Variants in TROAP observed in about 807,000 individuals in gnomAD.
The protein encoded by TROAP is trophinin associated protein, also known as tastin.
A neutral mutation model predicts 83.4 loss-of-function variants in TROAP; 62 were observed. The observed-to-expected ratio is 0.74, with a 90% CI of 0.61 to 0.92. The LOEUF is 0.92. Among genes scored for constraint, TROAP ranks in the 40% least tolerant of loss-of-function variants. The pLI, the probability that TROAP is intolerant of heterozygous loss-of-function variation, is 0.00. For missense variants in TROAP, 876 were observed against 985.1 expected (o/e 0.89, Z 1.48); for synonymous variants, 352 against 386.4 (o/e 0.91, Z 1.04).
In TROAP at chr12:49,324,502, T is replaced by C. The variant is rs1164622680; in HGVS notation, c.337+465T>C. 1.2e-5 allele frequency: 3 copies of C among 259,926 alleles called. No individual in the cohort carries two copies. The East Asian group carries it at 2.3e-4, about 20-fold the overall frequency. The allele number at this position is 259,926 out of a possible 1,614,324, so 16.1% of individuals were successfully genotyped here. A position where few individuals can be genotyped will look rare whatever the true frequency, so the allele number is the denominator to read the frequency against. On this transcript the variant is annotated intron_variant, in intron 3 of 14. Transcript: ENST00000257909. Reference sequence around the variant, plus strand: ...GCTTGAGTCTGTTACCTGTCTATAGTTTGATGATAGCCTCTTGAGGATAGG... The same window carrying C: ...GCTTGAGTCTGTTACCTGTCTATAGCTTGATGATAGCCTCTTGAGGATAGG...
chr12:49,325,406 G>A (rs557132177), intron 3 of TROAP, 95 bp from the exon 4 acceptor site: 8 of 1,227,640 alleles, frequency 6.5e-6, no homozygotes, highest in Middle Eastern at 2.0e-4. Flanking sequence ...AATTGAATGA[G>A]TCTCTTGCTC....
intron 3 of TROAP, 130 bp from the exon 4 acceptor site, chr12:49,325,371 A>G: frequency 9.5e-7 from 1 of 1,049,590 alleles, no homozygotes; most frequent in Non-Finnish European, 1.3e-6. Flanking sequence ...TTTCTTAAAA[A>G]AAAAAAAAAA....
At chr12:49,323,580 C>A in intron 1 of TROAP, 24 bp from the exon 2 acceptor site, 1 of 1,608,566 alleles carries the variant, frequency 6.2e-7, no homozygotes, top group Non-Finnish European at 8.5e-7. Flanking sequence ...ATTCTGCCTG[C>A]CTTCTTCCCC....
rs112213487 is a variant in TROAP at position 49,326,783 on chromosome 12, A to G, written c.769+63A>G. The G allele has an allele frequency of 2.5e-4, 384 of 1,524,940 alleles. 2 individuals are homozygous for G. The African/African-American group carries it at 4.6e-3, about 18-fold the overall frequency. 94.5% of individuals were successfully genotyped at this position (1,524,940 alleles called of 1,614,324 possible). A position where few individuals can be genotyped will look rare whatever the true frequency, so the allele number is the denominator to read the frequency against. Reference sequence around the variant, plus strand: ...TGGGCTGCCTGAAGCAGGGAACAAGACCAGAGAAAACTCAGCAGGCTGGGA... The same window carrying G: ...TGGGCTGCCTGAAGCAGGGAACAAGGCCAGAGAAAACTCAGCAGGCTGGGA... On this transcript the variant is annotated intron_variant, in intron 7 of 14. Coordinates refer to ENST00000257909, the MANE Select transcript of TROAP (RefSeq NM_005480.4).
At position 49,330,807 on chromosome 12, in the gene TROAP, A is replaced by G. The variant is rs1020475311; in HGVS notation, c.1962A>G (p.Leu654=). 1.2e-6 allele frequency: 2 copies of G among 1,613,830 alleles called. No individual in the cohort carries two copies. The change falls in exon 13 of 15, where the codon CTA becomes CTG. Residue 654 remains leucine, a synonymous_variant. Coordinates refer to ENST00000257909, the MANE Select transcript of TROAP (RefSeq NM_005480.4). The part of the protein sequence containing the change: ...SEPCTLEHRS[L]ESSLPPCCSQ... ...CCTGCACCCTGGAACATAGAAGTCT[A>G]GAGTCCAGTCTACCACCCTGCTGCA...
chr12:49,330,065 G>A, intron 12 of TROAP, 74 bp downstream of exon 12: 2 of 1,606,182 alleles, frequency 1.2e-6, no homozygotes, highest in Admixed American at 1.7e-5. Context: ...AAAGAGATGG[G>A]GGATCAGGAA....
In TROAP at chr12:49,330,363, A is replaced by T. The variant is rs138001413; in HGVS notation, c.1518A>T (p.Pro506=). 1.9e-5 allele frequency: 30 copies of T among 1,614,048 alleles called. No individual in the cohort carries two copies. The African/African-American group carries it at 3.5e-4, about 19-fold the overall frequency. ...KHSGLPKPCL[P]EECGEPQPCP... ...CAGGGCTGCCAAAGCCCTGTCTTCCAGAGGAGTGCGGGGAACCACAGCCCT... is the reference window on the plus strand; with the variant it reads ...CAGGGCTGCCAAAGCCCTGTCTTCCTGAGGAGTGCGGGGAACCACAGCCCT... The change falls in exon 13 of 15, where the codon CCA becomes CCT. Residue 506 remains proline (P), a synonymous_variant. Coordinates refer to ENST00000257909, the MANE Select transcript of TROAP (RefSeq NM_005480.4).
In TROAP at chr12:49,329,797, A is replaced by C; in HGVS notation, c.1165-60A>C. ...TCCATTCCTCATGAGGGTGGGACTC[A>C]GGCTGGTCTTTCTCCTGCCCCAGCC... On this transcript the variant is annotated intron_variant, in intron 11 of 14. Coordinates refer to ENST00000257909, the MANE Select transcript of TROAP (RefSeq NM_005480.4). This position sits in a 1 kb window ranked among gnomAD's most constrained non-coding sequence, Gnocchi z 4.5. 6.3e-7 allele frequency: 1 copy of C among 1,590,656 alleles called. No individual in the cohort carries two copies. Among genetic ancestry groups the C allele is most frequent in the African/African-American group, 1.3e-5 (1 of 74,648 alleles).
At position 49,330,181 on chromosome 12, in the gene TROAP, G is replaced by GT; in HGVS notation, c.1337dup (p.Glu447ArgfsTer12). The GT allele has an allele frequency of 6.2e-7, 1 of 1,614,028 alleles. No homozygotes were observed. The highest frequency in any genetic ancestry group is 1.1e-5 in the South Asian group (1 of 91,076). ...CCTGCAACAGCTGTTGAGACAGGAA[G>GT]TAGAGGGGCTGGTAGGGGGCCAGTG... On this transcript the variant is annotated frameshift_variant, in exon 13 of 15. Transcript: ENST00000257909. LOFTEE classifies it high-confidence loss of function.
chr12:49,325,339 AG>A, intron 3 of TROAP, 161 bp from the exon 4 acceptor site: 1 of 699,424 alleles, frequency 1.4e-6, no homozygotes, highest in East Asian at 3.0e-5. Context: ...TACAGGCATG[AG>A]CCACTGCACC....
rs1943559345 is a variant in TROAP, at chr12:49,330,326, T to G, written c.1481T>G (p.Leu494Arg). The G allele has an allele frequency of 6.2e-7, 1 of 1,614,010 alleles. No homozygotes were observed. Among genetic ancestry groups the G allele is most frequent in the Non-Finnish European group, 8.5e-7 (1 of 1,180,004 alleles). Residue 494 changes from leucine (L) to arginine (R), a missense_variant, in exon 13 of 15, where the codon CTG (leucine) becomes CGG (arginine). By Grantham distance (102) the Leu-to-Arg change is moderately radical (BLOSUM62 -2). This residue lies in a region of TROAP where 689 missense variants were observed against 722.6 expected (regional missense o/e 0.95). Coordinates refer to ENST00000257909, the MANE Select transcript of TROAP (RefSeq NM_005480.4). ...TCTGGGACTTCCCACCTTCCTGGAC[T>G]GTTAAAACACTCAGGGCTGCCAAAG... is the stretch of plus-strand genomic sequence containing the variant. Reference protein sequence around the residue: ...HNSGTSHLPGLLKHSGLPKPC... With the variant: ...HNSGTSHLPGRLKHSGLPKPC...
At chr12:49,325,002 C>T (rs897332739) in intron 3 of TROAP, among the ~76,000 whole-genome samples, 19 of 151,484 alleles carry the variant, frequency 1.3e-4, no homozygotes, top group Non-Finnish European at 2.2e-4. Context: ...CCTCCACCTC[C>T]CAGGTTCAAG....
intron 3 of TROAP, chr12:49,324,350 T>A (rs528189750): frequency 2.5e-5 from 13 of 526,272 alleles, no homozygotes; most frequent in South Asian, 5.8e-5. Context: ...CTTTAAAAAA[T>A]AAATAAATAA....
At position 49,323,343 on chromosome 12, in the gene TROAP, C is replaced by CGGTAA; in HGVS notation, c.-6+2_-6+6dup. 2 of 436,134 alleles carry CGGTAA rather than the reference C, an allele frequency of 4.6e-6. No individual in the cohort carries two copies. The highest frequency in any genetic ancestry group is 8.2e-6 in the Non-Finnish European group (2 of 244,188). The allele number at this position is 436,134 out of a possible 1,614,324, so 27.0% of individuals were successfully genotyped here. A position where few individuals can be genotyped will look rare whatever the true frequency, so the allele number is the denominator to read the frequency against. Reference sequence around the variant, plus strand: ...AAGCTGGGTAGGCCCTGAGGGGCCTCGGTAAGGTAAGGCACGGGGGTCTTG... The same window carrying CGGTAA: ...AAGCTGGGTAGGCCCTGAGGGGCCTCGGTAAGGTAAGGTAAGGCACGGGGGTCTTG... On this transcript the variant is annotated 5_prime_UTR_variant, in exon 1 of 15. Coordinates refer to ENST00000257909, the MANE Select transcript of TROAP (RefSeq NM_005480.4).
rs199703608 is a variant in TROAP, at chr12:49,326,112, C to A, written c.670C>A (p.Arg224Ser). The A allele has an allele frequency of 1.4e-5, 22 of 1,613,876 alleles. No individual in the cohort carries two copies. In the Middle Eastern group the frequency reaches 1.9e-3, roughly 136 times the overall value. The stretch of plus-strand genomic sequence containing the variant: ...AGGACCTTCCTTTCACCCTTCCACT[C>A]GCCCCAGTTTCCAGGAGCTAAGAAG... ...PSGPSFHPST[R>S]PSFQELRRET... Residue 224 changes from arginine to serine, a missense_variant, in exon 6 of 15, where the codon CGC becomes AGC. Coordinates refer to ENST00000257909, the MANE Select transcript of TROAP (RefSeq NM_005480.4).
At position 49,330,238 on chromosome 12, in the gene TROAP, A is replaced by G. The variant is rs777457223; in HGVS notation, c.1393A>G (p.Met465Val). The G allele has an allele frequency of 5.6e-6, 9 of 1,613,976 alleles. No homozygotes were observed. The highest frequency in any genetic ancestry group is 7.6e-6 in the Non-Finnish European group (9 of 1,180,006). The change falls in exon 13 of 15, where the codon ATG (methionine) becomes GTG (valine). Residue 465 changes from methionine (M) to valine (V), a missense_variant. Coordinates refer to ENST00000257909, the MANE Select transcript of TROAP (RefSeq NM_005480.4). ...TCTTAATGGAGGCTCTTCTCTGGATATGGTTGAACTTCAGCCCCTGCTGAC... is the reference window on the plus strand; with the variant it reads ...TCTTAATGGAGGCTCTTCTCTGGATGTGGTTGAACTTCAGCCCCTGCTGAC... ...VPLNGGSSLD[M>V]VELQPLLTEI...
At position 49,327,499 on chromosome 12, in the gene TROAP, A is replaced by C. The variant is rs1183336927; in HGVS notation, c.891+169A>C. ...ATGCACCCAGTCCCTCTCCAATGTG[A>C]GACTGACCTCTCTTTATCAGATGTC... On this transcript the variant is annotated intron_variant, in intron 8 of 14. Transcript: ENST00000257909. Among the ~76,000 whole-genome samples the C allele has an allele frequency of 1.3e-5, 2 of 152,156 alleles. 1 individual carries two copies. Among genetic ancestry groups the C allele is most frequent in the East Asian group, 3.9e-4 (2 of 5,188 alleles).
chr12:49,326,276 G>A, intron 6 of TROAP, 118 bp downstream of exon 6: 2 of 1,015,842 alleles, frequency 2.0e-6, no homozygotes, highest in South Asian at 1.3e-5. Flanking sequence ...ACCAACTCAG[G>A]AGGGGAAGCA....
rs573094272 is a variant in TROAP, at chr12:49,328,796, G to A, written c.892-131G>A. ...GGAGAATGGTGTGAACCCGGGATGC[G>A]GAGCTTGCAGTGAGCCAAGATCGCG... On this transcript the variant is annotated intron_variant, in intron 8 of 14. Coordinates refer to ENST00000257909, the MANE Select transcript of TROAP (RefSeq NM_005480.4). The A allele has an allele frequency of 2.4e-3, 3,029 of 1,274,412 alleles. 8 individuals carry two copies. Among genetic ancestry groups the A allele is most frequent in the Non-Finnish European group, 2.9e-3 (2,835 of 961,284 alleles). The allele number at this position is 1,274,412 out of a possible 1,614,324, so 78.9% of individuals were successfully genotyped here.
Sources: allele counts gnomAD v4.1 joint callset (sites outside exome capture counted in the v4.1 genomes callset), GRCh38; gene constraint gnomAD v4.1.1; regional missense constraint gnomAD v4.1.1; non-coding constraint Gnocchi (gnomAD v3.1); transcripts MANE v1.5; gene names NCBI Gene and HGNC (gene_info 2026-07-23, HGNC 2026-07-21).